The following RELN variants were observed in gnomAD, a reference collection of about 807,000 sequenced individuals.
The protein encoded by RELN is reelin.
A neutral mutation model predicts 427.6 loss-of-function variants in RELN; 108 were observed. The ratio of observed to expected loss-of-function variants is 0.25; its 90% CI spans 0.22 to 0.30. The LOEUF (loss-of-function observed/expected upper bound fraction) is 0.30. Among genes scored for constraint, RELN ranks in the 10% least tolerant of loss-of-function variants. The pLI is 1.00. For missense variants in RELN, 3,715 were observed against 4,302.8 expected, an observed-to-expected ratio of 0.86 and a Z score of 3.82; for synonymous variants, 1,524 against 1,513.4, an observed-to-expected ratio of 1.01 and a Z score of -0.16.
chr7:103,522,497 C>G (rs1288785105), intron 47 of RELN, among the ~76,000 whole-genome samples: 3 of 152,150 alleles, frequency 2.0e-5, no homozygotes, highest in Non-Finnish European at 2.9e-5. Context: ...CTCTGAAGGG[C>G]TGATAAACAA....
chr7:103,577,740 G>A (rs767155471), intron 28 of RELN, among the ~76,000 whole-genome samples: 14 of 152,100 alleles, frequency 9.2e-5, no homozygotes, highest in Non-Finnish European at 1.9e-4. Context: ...CCTCTATGCC[G>A]CTTCCAAAAG....
chr7:103,620,120 C>T lies in RELN; in HGVS notation c.2703-8317G>A, dbSNP rs1167733387. The stretch of plus-strand genomic sequence containing the variant: ...TAACTGAATGATGGGGATGGGTTCA[C>T]CCATACTGTTCTCATGGTAGTGGGT... On this transcript the variant is annotated intron_variant, in intron 20 of 64. Coordinates refer to ENST00000428762, the MANE Select transcript of RELN (RefSeq NM_005045.4). The surrounding 1 kb of genome is among the most constrained non-coding windows in gnomAD (Gnocchi z 4.1). Among the ~76,000 whole-genome samples, 1 of 152,092 alleles carries T rather than the reference C, an allele frequency of 6.6e-6. No individual in the cohort carries two copies. The highest frequency in any genetic ancestry group is 1.5e-5 in the Non-Finnish European group (1 of 68,034).
intron 2 of RELN, among the ~76,000 whole-genome samples, chr7:103,874,755 T>A (rs983401249): frequency 6.6e-6 from 1 of 150,794 alleles, no homozygotes; most frequent in African/African-American, 2.4e-5. Flanking sequence ...GTAGGAAGAA[T>A]CAATATTGTG....
chr7:103,600,666 A>C (rs1831644635), intron 24 of RELN, among the ~76,000 whole-genome samples: 1 of 152,152 alleles, frequency 6.6e-6, no homozygotes, highest in Admixed American at 6.6e-5. Context: ...CTTACTTAGA[A>C]TTCAAAACAG....
chr7:103,645,049 G>T (rs1049863346), intron 16 of RELN, among the ~76,000 whole-genome samples: 1 of 151,648 alleles, frequency 6.6e-6, no homozygotes, highest in African/African-American at 2.4e-5. Context: ...AAATGAAGAA[G>T]AAATAGTCTT....
intron 11 of RELN, among the ~76,000 whole-genome samples, chr7:103,671,703 G>T (rs967049352): frequency 6.6e-6 from 1 of 152,050 alleles, no homozygotes. Context: ...AAGTGTTATT[G>T]CTCAAGCAAT....
At chr7:103,743,609 A>C (rs1355241498) in intron 6 of RELN, among the ~76,000 whole-genome samples, 3 of 152,210 alleles carry the variant, frequency 2.0e-5, no homozygotes, top group Non-Finnish European at 4.4e-5. Context: ...CAGGGGTTGC[A>C]ATCGTAGTCT....
rs362746 is a variant in RELN at position 103,539,148 on chromosome 7, A to G, written c.7110T>C (p.Val2370=). 0.029 allele frequency: 46,453 copies of G among 1,614,178 alleles called. 1,667 individuals carry two copies. Among genetic ancestry groups the G allele is most frequent in the East Asian group, 0.2 (9,068 of 44,878 alleles). The change falls in exon 45 of 65, where the codon GTT becomes GTC. Residue 2370 remains valine (V), a synonymous_variant. Transcript: ENST00000428762. ...GTAGGAAGGAATCCTCATTCACGGC[A>G]ACGTCTGTGCTGACCACGTAACGGG... The part of the protein sequence containing the change: ...ASTRYVVSTD[V]AVNEDSFLQI...
At chr7:103,835,918 CTG>C (rs1302826237) in intron 2 of RELN, among the ~76,000 whole-genome samples, 1 of 150,286 alleles carries the variant, frequency 6.7e-6, no homozygotes, top group Admixed American at 6.6e-5. Flanking sequence ...CTTGTTCACA[CTG>C]TTAATATTTC....
chr7:103,499,286 C>CTATT (rs1562854240), intron 53 of RELN, among the ~76,000 whole-genome samples: 1 of 152,182 alleles, frequency 6.6e-6, no homozygotes, highest in Non-Finnish European at 1.5e-5. Flanking sequence ...ACCAGAAAAT[C>CTATT]TATTTTTCAG....
intron 11 of RELN, among the ~76,000 whole-genome samples, chr7:103,671,179 A>T (rs535068253): frequency 6.6e-6 from 1 of 152,238 alleles, no homozygotes; most frequent in African/African-American, 2.4e-5. Context: ...CAAGATGTAT[A>T]CTTTGAATGA....
chr7:103,690,541 G>C (rs1417404883), intron 10 of RELN, among the ~76,000 whole-genome samples: 5 of 151,868 alleles, frequency 3.3e-5, no homozygotes, highest in Non-Finnish European at 7.4e-5. Context: ...AGGAGCAGCT[G>C]GAAAAAAATA....
At position 103,576,981 on chromosome 7, in the gene RELN, C is replaced by A. The variant is rs548261916; in HGVS notation, c.4146-1276G>T. Among the ~76,000 whole-genome samples, 6 of 152,312 alleles carry A rather than the reference C, an allele frequency of 3.9e-5. No individual in the cohort carries two copies. The South Asian group carries it at 1.2e-3, about 32-fold the overall frequency. On this transcript the variant is annotated intron_variant, in intron 28 of 64. Coordinates refer to ENST00000428762, the MANE Select transcript of RELN (RefSeq NM_005045.4). Reference sequence around the variant, plus strand: ...ACACACACACACACATATGTACACACACTCCTATAATTTCATACCAGGGAA... The same window carrying A: ...ACACACACACACACATATGTACACAAACTCCTATAATTTCATACCAGGGAA...
intron 2 of RELN, among the ~76,000 whole-genome samples, chr7:103,903,429 C>T (rs1423337953): frequency 2.0e-5 from 3 of 152,082 alleles, no homozygotes; most frequent in Non-Finnish European, 2.9e-5. Context: ...ATGTAATGAC[C>T]TCCTGCTGTG....
chr7:103,514,122 A>T (rs941182401), intron 50 of RELN: 1 of 152,134 alleles, frequency 6.6e-6, no homozygotes, highest in African/African-American at 2.4e-5. Flanking sequence ...CTAGGGGCTG[A>T]GCTGGGTGTG....
intron 3 of RELN, among the ~76,000 whole-genome samples, chr7:103,797,746 A>C (rs979015055): frequency 1.3e-5 from 2 of 152,140 alleles, no homozygotes; most frequent in African/African-American, 2.4e-5. Context: ...GGAAGGAGAG[A>C]TAAGGGCAGC....
Position 103,594,333 on chromosome 7 carries a change from T to C in RELN, c.3699A>G (p.Pro1233=). 1 of 1,613,926 alleles carries C rather than the reference T, an allele frequency of 6.2e-7. No homozygotes were observed. Among genetic ancestry groups the C allele is most frequent in the Non-Finnish European group, 8.5e-7 (1 of 1,179,852 alleles). ...CATAGGAGAATACCTGAGGTAAAGTTGGATTGATAACTGGGATGATCTGCT... is the reference window on the plus strand; with the variant it reads ...CATAGGAGAATACCTGAGGTAAAGTCGGATTGATAACTGGGATGATCTGCT... ...KQKQIIPVIN[P]TLPQNFYEKP... Residue 1233 remains proline (P), a synonymous_variant, in exon 26 of 65, where the codon CCA becomes CCG. Coordinates refer to ENST00000428762, the MANE Select transcript of RELN (RefSeq NM_005045.4).
chr7:103,577,285 G>A (rs977337254), intron 28 of RELN, among the ~76,000 whole-genome samples: 1 of 152,126 alleles, frequency 6.6e-6, no homozygotes, highest in Non-Finnish European at 1.5e-5. Context: ...TGGCAGCAAT[G>A]AACCATAACC....
intron 58 of RELN, 79 bp downstream of exon 58, chr7:103,491,850 TCTCTCTCACACACACACACACACA>T (rs1167465952): frequency 1.7e-4 from 85 of 510,606 alleles, no homozygotes; most frequent in Middle Eastern, 1.1e-3. Context: ...TCTCTCTCTC[TCTCTCTCACACACACACACACACA>T]CACACACACA....
Sources: allele counts gnomAD v4.1 joint callset (sites outside exome capture counted in the v4.1 genomes callset), GRCh38; gene constraint gnomAD v4.1.1; non-coding constraint Gnocchi (gnomAD v3.1); transcripts MANE v1.5; gene names NCBI Gene and HGNC (gene_info 2026-07-23, HGNC 2026-07-21).